The following FRAS1 variants were observed in gnomAD, a reference collection of about 807,000 sequenced individuals.
The protein encoded by FRAS1 is Fraser extracellular matrix complex subunit 1.
Under a neutral mutation model 435.2 loss-of-function variants are expected in FRAS1, and 290 were observed. The ratio of observed to expected loss-of-function variants is 0.67; its 90% confidence interval spans 0.61 to 0.73. The LOEUF (loss-of-function observed/expected upper bound fraction) is 0.73. FRAS1 is among the 30% of genes least tolerant of loss of function. The pLI is 0.00. For missense variants in FRAS1, 4,860 were observed against 5,001.5 expected (o/e 0.97, Z 0.85); for synonymous variants, 1,800 against 1,851.0 (o/e 0.97, Z 0.71).
intron 16 of FRAS1, among the ~76,000 whole-genome samples, chr4:78,317,003 G>T (rs371276515): frequency 6.6e-6 from 1 of 152,300 alleles, no homozygotes; most frequent in African/African-American, 2.4e-5. Flanking sequence ...TATGAATAAA[G>T]CATGTCACCG....
intron 18 of FRAS1, among the ~76,000 whole-genome samples, chr4:78,320,017 A>C (rs1437393147): frequency 6.6e-6 from 1 of 152,370 alleles, no homozygotes; most frequent in Admixed American, 6.5e-5. Flanking sequence ...AAGAGTGTCA[A>C]AGTGGCCGGT....
chr4:78,098,992 G>A (rs1022871141), intron 2 of FRAS1, among the ~76,000 whole-genome samples: 4 of 152,110 alleles, frequency 2.6e-5, no homozygotes, highest in Non-Finnish European at 2.9e-5. Flanking sequence ...GCAGAACCTC[G>A]AGCTCCTGCT....
At chr4:78,202,616 A>C (rs1246446696) in intron 2 of FRAS1, among the ~76,000 whole-genome samples, 1 of 152,204 alleles carries the variant, frequency 6.6e-6, no homozygotes, top group Non-Finnish European at 1.5e-5. Flanking sequence ...TCATGAACCC[A>C]GCAAGCAGAG....
At chr4:78,441,886 A>T (rs1212399024) in intron 41 of FRAS1, among the ~76,000 whole-genome samples, 1 of 152,098 alleles carries the variant, frequency 6.6e-6, no homozygotes, top group Non-Finnish European at 1.5e-5. Context: ...TGCCCTGAAC[A>T]CTCTGGTGGT....
At chr4:78,247,842 A>G (rs1725316698) in intron 4 of FRAS1, among the ~76,000 whole-genome samples, 1 of 152,168 alleles carries the variant, frequency 6.6e-6, no homozygotes, top group Non-Finnish European at 1.5e-5. Context: ...GAACTTTGGA[A>G]TGGTGATCTG....
chr4:78,395,706 A>G (rs936322123), intron 29 of FRAS1, among the ~76,000 whole-genome samples: 1 of 152,014 alleles, frequency 6.6e-6, no homozygotes, highest in Admixed American at 6.6e-5. Context: ...TTTGCATGGT[A>G]TATATTTTTC....
intron 2 of FRAS1, among the ~76,000 whole-genome samples, chr4:78,169,648 C>T (rs138747569): frequency 6.6e-6 from 1 of 152,284 alleles, no homozygotes; most frequent in African/African-American, 2.4e-5. Flanking sequence ...AAAATATCAA[C>T]AGAGGTGCAA....
Position 78,400,752 on chromosome 4 carries a change from C to A in FRAS1, c.3994C>A (p.Leu1332Ile). 1.2e-6 allele frequency: 2 copies of A among 1,612,836 alleles called. No individual in the cohort carries two copies. Among genetic ancestry groups the A allele is most frequent in the Non-Finnish European group, 1.7e-6 (2 of 1,179,466 alleles). ...TVPQNDRGLQLVANSMVWVPE... is the reference protein window; with the variant it reads ...TVPQNDRGLQIVANSMVWVPE... ...ATTTCAGAATGACAGGGGTCTTCAG[C>A]TTGTGGCTAATTCGATGGTGTGGGT... The change falls in exon 30 of 74, where the codon CTT becomes ATT. Residue 1332 changes from leucine to isoleucine, a missense_variant. Physicochemically the swap from Leu to Ile is conservative, Grantham distance 5. Transcript: ENST00000512123.
intron 49 of FRAS1, 131 bp from the exon 50 acceptor site, chr4:78,466,076 TA>T: frequency 1.5e-6 from 1 of 662,816 alleles, no homozygotes; most frequent in Non-Finnish European, 2.6e-6. Context: ...TTGGTGTCTA[TA>T]AAGAAAATAC....
intron 2 of FRAS1, among the ~76,000 whole-genome samples, chr4:78,132,592 A>T (rs1431936656): frequency 6.6e-6 from 1 of 152,160 alleles, no homozygotes; most frequent in Non-Finnish European, 1.5e-5. Flanking sequence ...AAGGGAGAGG[A>T]GTAATGGCAG....
At chr4:78,188,315 ATCTAATCTATCTATC>A (rs1722372140) in intron 2 of FRAS1, among the ~76,000 whole-genome samples, 1 of 4,212 alleles carries the variant, frequency 2.4e-4, no homozygotes, top group African/African-American at 2.8e-4. Flanking sequence ...CTATCTATCT[ATCTAATCTATCTATC>A]TATATTTAGG....
At chr4:78,152,633 G>A (rs1417827373) in intron 2 of FRAS1, among the ~76,000 whole-genome samples, 1 of 53,202 alleles carries the variant, frequency 1.9e-5, no homozygotes, top group Non-Finnish European at 4.4e-5. Flanking sequence ...TTTTTTTTGT[G>A]GTATGTAATG....
intron 2 of FRAS1, among the ~76,000 whole-genome samples, chr4:78,140,820 C>T (rs1479541371): frequency 6.6e-6 from 1 of 151,680 alleles, no homozygotes; most frequent in Non-Finnish European, 1.5e-5. Flanking sequence ...ACTACTCAGC[C>T]ATAAAAAGGA....
chr4:78,093,569 C>T (rs1473264739), intron 2 of FRAS1, among the ~76,000 whole-genome samples: 4 of 152,148 alleles, frequency 2.6e-5, no homozygotes, highest in Non-Finnish European at 4.4e-5. Context: ...AGAAAAATAA[C>T]AGGTATTCAA....
chr4:78,469,270 C>T (rs1179833776), intron 50 of FRAS1, among the ~76,000 whole-genome samples: 1 of 152,184 alleles, frequency 6.6e-6, no homozygotes, highest in African/African-American at 2.4e-5. Flanking sequence ...TGCCCTGTGT[C>T]CCAACTTGCT....
At chr4:78,104,752 G>T (rs1285117473) in intron 2 of FRAS1, among the ~76,000 whole-genome samples, 1 of 152,154 alleles carries the variant, frequency 6.6e-6, no homozygotes, top group East Asian at 1.9e-4. Context: ...CATCTTAGAA[G>T]AACTTTCAAC....
chr4:78,229,036 G>A (rs1425683346), intron 2 of FRAS1, among the ~76,000 whole-genome samples: 1 of 152,128 alleles, frequency 6.6e-6, no homozygotes, highest in East Asian at 1.9e-4. Context: ...ACTTAGTGTG[G>A]TATATGACCT....
At chr4:78,398,196 A>G (rs1245490300) in intron 29 of FRAS1, among the ~76,000 whole-genome samples, 4 of 152,234 alleles carry the variant, frequency 2.6e-5, no homozygotes, top group African/African-American at 9.6e-5. Context: ...ATGGAGGCAT[A>G]TGTATTACCC....
chr4:78,288,798 C>G (rs1424756147), intron 14 of FRAS1, among the ~76,000 whole-genome samples: 1 of 152,114 alleles, frequency 6.6e-6, no homozygotes, highest in African/African-American at 2.4e-5. Flanking sequence ...TCCAGATAAG[C>G]TTTCTCAGCT....
Sources: allele counts gnomAD v4.1 joint callset (sites outside exome capture counted in the v4.1 genomes callset), GRCh38; gene constraint gnomAD v4.1.1; transcripts MANE v1.5; gene names NCBI Gene and HGNC (gene_info 2026-07-23, HGNC 2026-07-21).